Variants in SPON1 observed in about 807,000 individuals in gnomAD.
SPON1 encodes the protein spondin-1.
SPON1 carries 52 observed loss-of-function variants against 111.7 expected under a neutral mutation model. The ratio of observed to expected loss-of-function variants is 0.47; its 90% CI spans 0.37 to 0.59. The LOEUF (loss-of-function observed/expected upper bound fraction) is 0.59, where lower values mean the gene tolerates loss of function less well. Among genes scored for constraint, SPON1 ranks in the 20% least tolerant of loss-of-function variants. SPON1 has a pLI of 0.00. For missense variants in SPON1, 957 were observed against 1,068.5 expected, an observed-to-expected ratio of 0.90 and a Z score of 1.46; for synonymous variants, 410 against 395.8, an observed-to-expected ratio of 1.04 and a Z score of -0.43.
At chr11:13,971,342 A>T (rs1554908571) in intron 1 of SPON1, among the ~76,000 whole-genome samples, 1 of 152,192 alleles carries the variant, frequency 6.6e-6, no homozygotes. Flanking sequence ...GGGGCTGCCA[A>T]CCTCAGAAAC....
chr11:13,976,183 C>T (rs782639767), intron 1 of SPON1, among the ~76,000 whole-genome samples: 11 of 152,144 alleles, frequency 7.2e-5, no homozygotes, highest in East Asian at 3.9e-4. Context: ...ATCAGTTCCC[C>T]GGATGTACTC....
chr11:14,008,165 A>G (rs782118943), intron 2 of SPON1, among the ~76,000 whole-genome samples: 1 of 152,218 alleles, frequency 6.6e-6, no homozygotes, highest in African/African-American at 2.4e-5. Context: ...ATACAGTATA[A>G]CAACTATTTA....
At chr11:14,194,468 C>T (rs1214429761) in intron 6 of SPON1, among the ~76,000 whole-genome samples, 1 of 151,090 alleles carries the variant, frequency 6.6e-6, no homozygotes, top group Non-Finnish European at 1.5e-5. Context: ...CACAGAAAAC[C>T]CTCAAGTGGG....
chr11:14,207,652 C>T (rs111524551), intron 6 of SPON1, among the ~76,000 whole-genome samples: 106 of 152,174 alleles, frequency 7.0e-4, no homozygotes, highest in African/African-American at 2.4e-3. Context: ...CAAATCAAAA[C>T]CACAGTGAGA....
At chr11:13,965,709 A>C (rs1481064530) in intron 1 of SPON1, among the ~76,000 whole-genome samples, 2 of 152,206 alleles carry the variant, frequency 1.3e-5, no homozygotes, top group African/African-American at 4.8e-5. Flanking sequence ...GCAATTAGCA[A>C]ACCTGATTCT....
intron 6 of SPON1, among the ~76,000 whole-genome samples, chr11:14,200,037 C>A (rs966836167): frequency 4.6e-5 from 7 of 152,202 alleles, no homozygotes; most frequent in African/African-American, 1.4e-4. Flanking sequence ...ACTTTCCCCC[C>A]ACCCCTCATC....
chr11:13,984,070 C>T (rs1848164129), intron 2 of SPON1, among the ~76,000 whole-genome samples: 1 of 152,166 alleles, frequency 6.6e-6, no homozygotes, highest in Non-Finnish European at 1.5e-5. Flanking sequence ...AACCTCTTGG[C>T]ATGTATCTGA....
intron 1 of SPON1, among the ~76,000 whole-genome samples, chr11:13,974,399 C>T (rs1282960280): frequency 6.6e-6 from 1 of 152,110 alleles, no homozygotes; most frequent in Non-Finnish European, 1.5e-5. Context: ...TTCTGAAACC[C>T]AAGAGACAGA....
chr11:14,191,392 C>T (rs1554934543), intron 6 of SPON1, among the ~76,000 whole-genome samples: 1 of 152,228 alleles, frequency 6.6e-6, no homozygotes, highest in East Asian at 1.9e-4. Context: ...TCCCACAGAT[C>T]TTCCAGTCCC....
chr11:14,022,916 A>T (rs782522513), intron 2 of SPON1, among the ~76,000 whole-genome samples: 1 of 152,218 alleles, frequency 6.6e-6, no homozygotes, highest in Non-Finnish European at 1.5e-5. Flanking sequence ...TGTAGGTTCA[A>T]CTGGAAAACC....
intron 6 of SPON1, among the ~76,000 whole-genome samples, chr11:14,214,212 C>G (rs538529675): frequency 1.0e-3 from 152 of 152,302 alleles, no homozygotes; most frequent in South Asian, 3.9e-3. Flanking sequence ...GGCTCTGGTC[C>G]TCTGCGCGTA....
chr11:14,028,986 T>G (rs986724591), intron 2 of SPON1, among the ~76,000 whole-genome samples: 2 of 152,156 alleles, frequency 1.3e-5, no homozygotes. Flanking sequence ...CTTTTCTTAT[T>G]GAGGATTACC....
intron 6 of SPON1, among the ~76,000 whole-genome samples, chr11:14,178,033 A>AACACACAAACACAC (rs1848196726): frequency 1.2e-5 from 1 of 82,350 alleles, no homozygotes; most frequent in South Asian, 4.3e-4. Flanking sequence ...ACTGTTGTAA[A>AACACACAAACACAC]ACACACACAC....
At chr11:14,233,324 T>G (rs1848824119) in intron 6 of SPON1, among the ~76,000 whole-genome samples, 1 of 152,198 alleles carries the variant, frequency 6.6e-6, no homozygotes, top group Non-Finnish European at 1.5e-5. Context: ...TGGCCCTATG[T>G]CGCCAGACAC....
intron 6 of SPON1, among the ~76,000 whole-genome samples, chr11:14,150,116 A>G (rs1847769671): frequency 6.6e-6 from 1 of 152,230 alleles, no homozygotes. Flanking sequence ...TGGTGTATAT[A>G]CACAATAGAA....
intron 1 of SPON1, 128 bp downstream of exon 1, chr11:13,963,270 T>G (rs1847989635): frequency 1.5e-6 from 1 of 653,928 alleles, no homozygotes; most frequent in Non-Finnish European, 2.5e-6. Flanking sequence ...GCAAGGGCCC[T>G]TCTGTCCTGG....
At chr11:14,146,527 A>G (rs1397652012) in intron 6 of SPON1, among the ~76,000 whole-genome samples, 1 of 152,154 alleles carries the variant, frequency 6.6e-6, no homozygotes, top group Non-Finnish European at 1.5e-5. Flanking sequence ...CCCCCCAAAA[A>G]AAATACTGCA....
At chr11:14,254,506 G>T (rs782353476) in intron 7 of SPON1, 22 bp from the exon 8 acceptor site, 2 of 1,570,566 alleles carry the variant, frequency 1.3e-6, no homozygotes, top group Non-Finnish European at 1.7e-6. Flanking sequence ...CTAATATAAT[G>T]GTCTCTGTAT....
chr11:14,212,817 G>A (rs1007759017), intron 6 of SPON1, among the ~76,000 whole-genome samples: 21 of 152,134 alleles, frequency 1.4e-4, no homozygotes, highest in Admixed American at 3.9e-4. Flanking sequence ...TATAAGCAAT[G>A]GGGAGCCACT....
Sources: allele counts gnomAD v4.1 joint callset (sites outside exome capture counted in the v4.1 genomes callset), GRCh38; gene constraint gnomAD v4.1.1; transcripts MANE v1.5; gene names NCBI Gene and HGNC (gene_info 2026-07-23, HGNC 2026-07-21).